CFAP20DC: variants seen among roughly 807,000 people sequenced by gnomAD.
The protein encoded by CFAP20DC is CFAP20 domain containing.
Under a neutral mutation model 101.7 loss-of-function variants are expected in CFAP20DC, and 84 were observed. The ratio of observed to expected loss-of-function variants is 0.83; its 90% confidence interval spans 0.69 to 0.99. The LOEUF is 0.99. Among genes scored for constraint, CFAP20DC ranks in the 50% least tolerant of loss-of-function variants. CFAP20DC has a pLI of 0.00. For missense variants in CFAP20DC, 1,007 were observed against 970.3 expected (o/e 1.04, Z -0.50); for synonymous variants, 359 against 351.2 (o/e 1.02, Z -0.25).
intron 6 of CFAP20DC, among the ~76,000 whole-genome samples, chr3:58,890,448 C>G (rs1391773095): frequency 1.4e-5 from 2 of 145,442 alleles, no homozygotes; most frequent in Non-Finnish European, 3.0e-5. Context: ...TGACCCCCCC[C>G]ACGTCCCTCC....
At chr3:58,942,616 G>A (rs112239898) in intron 4 of CFAP20DC, among the ~76,000 whole-genome samples, 2 of 152,164 alleles carry the variant, frequency 1.3e-5, no homozygotes, top group African/African-American at 2.4e-5. Context: ...ACACCACCAG[G>A]GCCCTGGGTT....
At chr3:58,791,815 C>T (rs2072881449) in intron 15 of CFAP20DC, among the ~76,000 whole-genome samples, 1 of 152,158 alleles carries the variant, frequency 6.6e-6, no homozygotes, top group Non-Finnish European at 1.5e-5. Context: ...TTTCTGGTCA[C>T]AGTGTCAGAG....
chr3:58,829,434 A>G (rs1559662426), intron 14 of CFAP20DC, among the ~76,000 whole-genome samples: 2 of 152,116 alleles, frequency 1.3e-5, no homozygotes, highest in Non-Finnish European at 2.9e-5. Flanking sequence ...TGAGCTCTCA[A>G]AAAGACCACA....
At chr3:58,890,653 G>T (rs1484116968) in intron 6 of CFAP20DC, among the ~76,000 whole-genome samples, 1 of 150,052 alleles carries the variant, frequency 6.7e-6, no homozygotes, top group Non-Finnish European at 1.5e-5. Context: ...GGGCGGAGGG[G>T]CTCCTCTTTT....
chr3:58,946,359 C>T (rs971635839), intron 4 of CFAP20DC, among the ~76,000 whole-genome samples: 4 of 151,646 alleles, frequency 2.6e-5, no homozygotes, highest in South Asian at 2.1e-4. Flanking sequence ...TCAGGTGATC[C>T]GCCCACCTTG....
intron 4 of CFAP20DC, among the ~76,000 whole-genome samples, chr3:59,033,519 G>A (rs927046468): frequency 1.3e-5 from 2 of 152,256 alleles, no homozygotes; most frequent in East Asian, 3.9e-4. Flanking sequence ...ACCTGATGGA[G>A]CTGAAAAACA....
rs1245905325 is a variant in CFAP20DC, at chr3:58,806,459, G to A, written c.2176-3C>T. Reference sequence around the variant, plus strand: ...TAGTGGCGACCCTGGTTGACAGGCTGGAAAAGACAAAACATTTGTGAATGT... The same window carrying A: ...TAGTGGCGACCCTGGTTGACAGGCTAGAAAAGACAAAACATTTGTGAATGT... On this transcript the variant is annotated splice_polypyrimidine_tract_variant and splice_region_variant and intron_variant, in intron 14 of 16. Coordinates refer to ENST00000482387, the MANE Select transcript of CFAP20DC (RefSeq NM_001394063.1). The A allele has an allele frequency of 6.2e-7, 1 of 1,608,608 alleles. No homozygotes were observed. The highest frequency in any genetic ancestry group is 8.5e-7 in the Non-Finnish European group (1 of 1,175,084).
intron 15 of CFAP20DC, among the ~76,000 whole-genome samples, chr3:58,761,915 T>A (rs1173151036): frequency 6.6e-6 from 1 of 152,130 alleles, no homozygotes; most frequent in East Asian, 1.9e-4. Flanking sequence ...TTTGTTATAA[T>A]TTCTGTTCTT....
intron 5 of CFAP20DC, among the ~76,000 whole-genome samples, chr3:58,927,407 G>A (rs939023832): frequency 6.6e-6 from 1 of 152,170 alleles, no homozygotes; most frequent in Non-Finnish European, 1.5e-5. Flanking sequence ...AAACTGAAAT[G>A]AGTGAAGCAA....
intron 14 of CFAP20DC, among the ~76,000 whole-genome samples, chr3:58,811,950 A>G (rs1315123625): frequency 6.6e-6 from 1 of 152,198 alleles, no homozygotes; most frequent in Admixed American, 6.5e-5. Context: ...AAACACATGA[A>G]AAAATGCTTA....
intron 4 of CFAP20DC, among the ~76,000 whole-genome samples, chr3:59,033,034 C>T (rs1213700943): frequency 1.3e-5 from 2 of 152,128 alleles, no homozygotes; most frequent in Non-Finnish European, 2.9e-5. Flanking sequence ...TCTGCAGCCT[C>T]CACTGGTGAT....
At chr3:59,038,748 T>C (rs1456741160) in intron 4 of CFAP20DC, among the ~76,000 whole-genome samples, 1 of 152,108 alleles carries the variant, frequency 6.6e-6, no homozygotes, top group Non-Finnish European at 1.5e-5. Flanking sequence ...TAATAAATAT[T>C]GTGTGTTTGA....
rs17060027 is a variant in CFAP20DC at position 59,015,740 on chromosome 3, A to G, written c.278+23817T>C. Reference sequence around the variant, plus strand: ...CTCACAGACATCCAGACTTCTTTCCATAAGATGGCAAATTTCTAAAAAATG... The same window carrying G: ...CTCACAGACATCCAGACTTCTTTCCGTAAGATGGCAAATTTCTAAAAAATG... On this transcript the variant is annotated intron_variant, in intron 4 of 16. Coordinates refer to ENST00000482387, the MANE Select transcript of CFAP20DC (RefSeq NM_001394063.1). This position sits in a 1 kb window ranked among gnomAD's most constrained non-coding sequence, Gnocchi z 5.4. Among the ~76,000 whole-genome samples the G allele has an allele frequency of 0.019, 2,913 of 152,232 alleles. 84 individuals are homozygous for G. Among genetic ancestry groups the G allele is most frequent in the African/African-American group, 0.065 (2,716 of 41,552 alleles).
At position 58,884,703 on chromosome 3, in the gene CFAP20DC, T is replaced by G. The variant is rs147149007; in HGVS notation, c.557A>C (p.Tyr186Ser). 6.2e-7 allele frequency: 1 copy of G among 1,603,550 alleles called. No individual in the cohort carries two copies. Among genetic ancestry groups the G allele is most frequent in the South Asian group, 1.1e-5 (1 of 89,378 alleles). The change falls in exon 7 of 17, where the codon TAT (tyrosine) becomes TCT (serine). Residue 186 changes from tyrosine to serine, a missense_variant. Coordinates refer to ENST00000482387, the MANE Select transcript of CFAP20DC (RefSeq NM_001394063.1). Reference sequence around the variant, plus strand: ...CTCATCTGTTGAAAAGGGAACACCATAGACAGCTGGAAATAAAGACAAACA... The same window carrying G: ...CTCATCTGTTGAAAAGGGAACACCAGAGACAGCTGGAAATAAAGACAAACA... ...PQDTADKDAV[Y>S]GVPFSTDEPT...
chr3:58,806,688 T>C (rs1453640326), intron 14 of CFAP20DC, among the ~76,000 whole-genome samples: 1 of 152,162 alleles, frequency 6.6e-6, no homozygotes, highest in Non-Finnish European at 1.5e-5. Flanking sequence ...ACCGGGTTCA[T>C]CTCACTAGGG....
At chr3:59,032,064 G>A (rs946840365) in intron 4 of CFAP20DC, among the ~76,000 whole-genome samples, 1 of 152,174 alleles carries the variant, frequency 6.6e-6, no homozygotes, top group Non-Finnish European at 1.5e-5. Flanking sequence ...AAGCAGGGTA[G>A]GGTGTCACCT....
intron 7 of CFAP20DC, among the ~76,000 whole-genome samples, chr3:58,872,066 C>T (rs1333247902): frequency 6.6e-6 from 1 of 152,156 alleles, no homozygotes; most frequent in Non-Finnish European, 1.5e-5. Flanking sequence ...TTCTTTGTGA[C>T]TGCAATTAGC....
At chr3:58,997,217 C>A (rs572301887) in intron 4 of CFAP20DC, among the ~76,000 whole-genome samples, 1 of 152,168 alleles carries the variant, frequency 6.6e-6, no homozygotes, top group South Asian at 2.1e-4. Context: ...ATTCTATGTG[C>A]CCAATACTTG....
chr3:58,932,987 T>TAA (rs1193465256), intron 5 of CFAP20DC, among the ~76,000 whole-genome samples: 1 of 151,948 alleles, frequency 6.6e-6, no homozygotes, highest in African/African-American at 2.4e-5. Flanking sequence ...GCAAATTGGA[T>TAA]AGAGACAAGA....
Sources: gnomAD v4.1 joint callset for allele counts (sites outside exome capture counted in the v4.1 genomes callset) on GRCh38, gnomAD v4.1.1 for gene constraint, Gnocchi (gnomAD v3.1) non-coding constraint, MANE v1.5 for transcripts, NCBI Gene and HGNC (gene_info 2026-07-23, HGNC 2026-07-21) for gene names.